The following DLG2 variants were observed in gnomAD, a reference collection of about 807,000 sequenced individuals.
DLG2 encodes discs large MAGUK scaffold protein 2.
In DLG2, 45 loss-of-function variants were observed where a neutral mutation model predicts 132.5. The observed-to-expected ratio is 0.34, with a 90% CI of 0.27 to 0.44. DLG2 has a LOEUF of 0.44. DLG2 is among the 20% of genes least tolerant of loss of function. The pLI is 1.00. For missense variants in DLG2, 1,045 were observed against 1,196.9 expected (o/e 0.87, Z 1.87); for synonymous variants, 424 against 419.6 (o/e 1.01, Z -0.13).
chr11:83,537,582 AGGCG>A (rs1410147610), intron 20 of DLG2, among the ~76,000 whole-genome samples: 1 of 152,070 alleles, frequency 6.6e-6, no homozygotes, highest in Non-Finnish European at 1.5e-5. Context: ...TGGGAGGCCG[AGGCG>A]GGCAGATCAC....
chr11:83,621,782 G>A (rs2061670559), intron 19 of DLG2, among the ~76,000 whole-genome samples: 1 of 152,140 alleles, frequency 6.6e-6, no homozygotes, highest in Admixed American at 6.5e-5. Flanking sequence ...AAATAATCAT[G>A]CTTTTAGTTT....
At chr11:83,649,098 G>A (rs955451751) in intron 18 of DLG2, among the ~76,000 whole-genome samples, 2 of 152,134 alleles carry the variant, frequency 1.3e-5, no homozygotes, top group African/African-American at 4.8e-5. Flanking sequence ...GGTTGGGGGA[G>A]ATGGACTGCT....
chr11:84,363,411 C>T (rs2098662604), intron 7 of DLG2, among the ~76,000 whole-genome samples: 2 of 152,022 alleles, frequency 1.3e-5, no homozygotes, highest in African/African-American at 4.8e-5. Context: ...TGGATATTAG[C>T]CCTTTGTCAG....
chr11:84,538,434 T>G (rs2154521676), intron 6 of DLG2, among the ~76,000 whole-genome samples: 1 of 152,348 alleles, frequency 6.6e-6, no homozygotes, highest in East Asian at 1.9e-4. Context: ...CTCTCTTGGA[T>G]GTCCACAGGA....
intron 7 of DLG2, among the ~76,000 whole-genome samples, chr11:84,323,495 T>C (rs1288641466): frequency 6.6e-6 from 1 of 152,200 alleles, no homozygotes; most frequent in African/African-American, 2.4e-5. Flanking sequence ...TAATGCTCAA[T>C]GAACATGAGA....
intron 7 of DLG2, among the ~76,000 whole-genome samples, chr11:84,262,049 G>A (rs1567106173): frequency 2.0e-5 from 3 of 152,112 alleles, no homozygotes; most frequent in Non-Finnish European, 4.4e-5. Context: ...ATTATACACT[G>A]GTACTTTGTG....
chr11:84,924,448 T>C (rs1308971920), intron 6 of DLG2, among the ~76,000 whole-genome samples: 2 of 152,198 alleles, frequency 1.3e-5, no homozygotes, highest in African/African-American at 4.8e-5. Context: ...CTTTCTTTAA[T>C]ATGCTTTGCA....
At chr11:85,100,606 T>G (rs577802118) in intron 6 of DLG2, among the ~76,000 whole-genome samples, 158 of 152,282 alleles carry the variant, frequency 1.0e-3, no homozygotes, top group African/African-American at 3.6e-3. Flanking sequence ...TGCATGCCAA[T>G]GCACTGTTAA....
chr11:83,470,305 GAAAA>G (rs1156639776), intron 24 of DLG2, among the ~76,000 whole-genome samples: 3 of 151,864 alleles, frequency 2.0e-5, no homozygotes, highest in African/African-American at 7.2e-5. Context: ...TCATCACAGA[GAAAA>G]AATGCATGCA....
chr11:85,553,930 T>G (rs1297239695), intron 3 of DLG2, among the ~76,000 whole-genome samples: 1 of 151,336 alleles, frequency 6.6e-6, no homozygotes, highest in Non-Finnish European at 1.5e-5. Context: ...AAGTTTCCAT[T>G]TTATATGGAT....
intron 4 of DLG2, among the ~76,000 whole-genome samples, chr11:85,237,314 T>G (rs1416047325): frequency 2.0e-5 from 3 of 151,988 alleles, no homozygotes; most frequent in Admixed American, 6.6e-5. Context: ...AATAGGGAAA[T>G]GAATGAGATG....
At chr11:85,138,940 C>A (rs1468469437) in intron 5 of DLG2, among the ~76,000 whole-genome samples, 1 of 152,052 alleles carries the variant, frequency 6.6e-6, no homozygotes, top group Admixed American at 6.6e-5. Context: ...TATAGTGTTT[C>A]ACTCTAATTC....
At chr11:83,653,612 G>T (rs73507195) in intron 18 of DLG2, among the ~76,000 whole-genome samples, 5,480 of 152,254 alleles carry the variant, frequency 0.036, 338 homozygotes, top group African/African-American at 0.12. Flanking sequence ...ATCACAGGAA[G>T]AATTTCTTTG....
intron 15 of DLG2, 97 bp downstream of exon 15, chr11:83,930,231 T>C (rs1168419817): frequency 4.4e-6 from 6 of 1,348,486 alleles, no homozygotes; most frequent in African/African-American, 2.9e-5. Flanking sequence ...GGAAGATGTT[T>C]AGTGCAAGAG....
chr11:85,418,473 C>A, intron 3 of DLG2, among the ~76,000 whole-genome samples: 1 of 152,152 alleles, frequency 6.6e-6, no homozygotes, highest in East Asian at 1.9e-4. Context: ...TGGTCCAGAG[C>A]TGAGTTCAAG....
At chr11:83,817,515 C>A (rs2049367182) in intron 17 of DLG2, among the ~76,000 whole-genome samples, 1 of 152,146 alleles carries the variant, frequency 6.6e-6, no homozygotes, top group Middle Eastern at 3.4e-3. Context: ...AACCAATGGA[C>A]TCTGAAAAAA....
At chr11:83,744,431 G>A (rs2092759417) in intron 18 of DLG2, among the ~76,000 whole-genome samples, 1 of 152,140 alleles carries the variant, frequency 6.6e-6, no homozygotes, top group African/African-American at 2.4e-5. Context: ...CTGCACTATA[G>A]GAATATAAAT....
chr11:84,830,402 AAGG>A (rs2078883918), intron 6 of DLG2, among the ~76,000 whole-genome samples: 1 of 151,254 alleles, frequency 6.6e-6, no homozygotes, highest in Non-Finnish European at 1.5e-5. Flanking sequence ...GAGGAACTTA[AAGG>A]AACAGGCAGA....
chr11:84,969,571 C>T (rs1349964278), intron 6 of DLG2, among the ~76,000 whole-genome samples: 1 of 152,140 alleles, frequency 6.6e-6, no homozygotes, highest in African/African-American at 2.4e-5. Context: ...CCCCAAAGAA[C>T]ACAAAAGAAA....
Sources: allele counts gnomAD v4.1 joint callset (sites outside exome capture counted in the v4.1 genomes callset), GRCh38; gene constraint gnomAD v4.1.1; transcripts MANE v1.5; gene names NCBI Gene and HGNC (gene_info 2026-07-23, HGNC 2026-07-21).